Variants in LINGO2 observed in about 807,000 individuals in gnomAD.
The protein encoded by LINGO2 is leucine rich repeat and Ig domain containing 2.
LINGO2 carries 14 observed loss-of-function variants against 30.6 expected under a neutral mutation model. The ratio of observed to expected loss-of-function variants is 0.46; its 90% CI spans 0.30 to 0.72. The LOEUF (loss-of-function observed/expected upper bound fraction) is 0.72, where lower values mean the gene tolerates loss of function less well. Ranked by LOEUF, LINGO2 falls within the 30% of genes least tolerant of loss-of-function variation. LINGO2 has a pLI of 0.07. For missense variants in LINGO2, 729 were observed against 751.7 expected (o/e 0.97, Z 0.35); for synonymous variants, 317 against 288.5 (o/e 1.10, Z -1.00).
At chr9:28,164,083 G>A (rs1301821368) in intron 4 of LINGO2, among the ~76,000 whole-genome samples, 1 of 152,124 alleles carries the variant, frequency 6.6e-6, no homozygotes, top group African/African-American at 2.4e-5. Flanking sequence ...TGGCTTACAT[G>A]TAATGAAAAT....
At chr9:28,740,645 A>T in the LINGO2 span, among the ~76,000 whole-genome samples, 1 of 151,762 alleles carries the variant, frequency 6.6e-6, no homozygotes, top group Non-Finnish European at 1.5e-5. Context: ...TAAATACTTT[A>T]ATTATTTAAT....
chr9:28,444,871 T>C (rs2135038246), intron 2 of LINGO2, among the ~76,000 whole-genome samples: 1 of 152,290 alleles, frequency 6.6e-6, no homozygotes, highest in Non-Finnish European at 1.5e-5. Context: ...AGGTGTGGGA[T>C]CCAGGCTGGT....
At chr9:27,950,491 T>A in exon 6 of LINGO2, 1 of 1,598,958 alleles carries the variant, frequency 6.3e-7, no homozygotes, top group Non-Finnish European at 8.5e-7. Context: ...AGGTCCAAGA[T>A]TTTGGTTTCG....
At chr9:29,196,573 C>A in the LINGO2 span, among the ~76,000 whole-genome samples, 2 of 152,102 alleles carry the variant, frequency 1.3e-5, no homozygotes, top group African/African-American at 2.4e-5. Context: ...TATTGATAGA[C>A]AACCTTTCAC....
chr9:28,496,349 T>C (rs2135291967), intron 1 of LINGO2, among the ~76,000 whole-genome samples: 1 of 152,240 alleles, frequency 6.6e-6, no homozygotes, highest in South Asian at 2.1e-4. Context: ...TGCTCCCGTA[T>C]TGGGTGCATA....
At chr9:28,075,449 A>G (rs1012758151) in intron 4 of LINGO2, among the ~76,000 whole-genome samples, 1 of 151,926 alleles carries the variant, frequency 6.6e-6, no homozygotes, top group Non-Finnish European at 1.5e-5. Flanking sequence ...TTCCTAGATC[A>G]TATATCTAGG....
At chr9:28,770,384 C>T in the LINGO2 span, among the ~76,000 whole-genome samples, 1 of 152,308 alleles carries the variant, frequency 6.6e-6, no homozygotes, top group East Asian at 1.9e-4. Flanking sequence ...CTGCTTCTTG[C>T]TGCACAGATG....
chr9:28,562,340 C>T (rs999604244), intron 1 of LINGO2, among the ~76,000 whole-genome samples: 1 of 151,032 alleles, frequency 6.6e-6, no homozygotes, highest in African/African-American at 2.4e-5. Context: ...TTCCTGACCG[C>T]CAGTTTCACA....
At chr9:29,157,820 T>C in the LINGO2 span, among the ~76,000 whole-genome samples, 1 of 152,124 alleles carries the variant, frequency 6.6e-6, no homozygotes. Flanking sequence ...TATGCGGTAA[T>C]CTTTGACTCC....
At chr9:28,058,304 T>C (rs147857548) in intron 4 of LINGO2, among the ~76,000 whole-genome samples, 1 of 152,144 alleles carries the variant, frequency 6.6e-6, no homozygotes. Flanking sequence ...TATTTATTAA[T>C]AGGCCATTTT....
the LINGO2 span, among the ~76,000 whole-genome samples, chr9:29,107,447 GA>G: frequency 6.6e-6 from 1 of 152,140 alleles, no homozygotes. Context: ...AGTCACCTTG[GA>G]ATGCATCTCT....
chr9:28,014,255 A>G (rs1013162600), intron 4 of LINGO2, among the ~76,000 whole-genome samples: 7 of 152,188 alleles, frequency 4.6e-5, no homozygotes, highest in African/African-American at 1.4e-4. Flanking sequence ...AACACTTACC[A>G]AAGGGGAAAA....
At chr9:28,295,857 C>T (rs1320835040) in intron 3 of LINGO2, among the ~76,000 whole-genome samples, 1 of 152,126 alleles carries the variant, frequency 6.6e-6, no homozygotes, top group African/African-American at 2.4e-5. Flanking sequence ...TGAACATTCC[C>T]TGTATAAATG....
At chr9:28,320,285 C>T (rs943345907) in intron 3 of LINGO2, among the ~76,000 whole-genome samples, 4 of 152,110 alleles carry the variant, frequency 2.6e-5, no homozygotes, top group African/African-American at 9.7e-5. Context: ...ATTCATGTCT[C>T]TAAGCTCCAG....
intron 1 of LINGO2, among the ~76,000 whole-genome samples, chr9:28,648,122 A>C (rs542380426): frequency 6.6e-6 from 1 of 152,144 alleles, no homozygotes; most frequent in South Asian, 2.1e-4. Context: ...CTGTAGAATG[A>C]CAGTAACTTG....
the LINGO2 span, among the ~76,000 whole-genome samples, chr9:29,004,475 T>C: frequency 2.0e-5 from 3 of 151,938 alleles, no homozygotes; most frequent in Non-Finnish European, 4.4e-5. Context: ...TATTGACTAT[T>C]ATGTGGCACA....
At chr9:28,944,325 G>A in the LINGO2 span, among the ~76,000 whole-genome samples, 2 of 151,026 alleles carry the variant, frequency 1.3e-5, no homozygotes, top group African/African-American at 4.9e-5. Flanking sequence ...GCCAAACCTA[G>A]ATACAAAGGG....
At chr9:28,311,479 A>C (rs541890809) in intron 3 of LINGO2, among the ~76,000 whole-genome samples, 50 of 152,248 alleles carry the variant, frequency 3.3e-4, no homozygotes, top group African/African-American at 1.1e-3. Flanking sequence ...AGCTTCAACC[A>C]TAAAAGATGG....
At chr9:29,072,811 T>C in the LINGO2 span, among the ~76,000 whole-genome samples, 1 of 151,904 alleles carries the variant, frequency 6.6e-6, no homozygotes, top group African/African-American at 2.4e-5. Flanking sequence ...GCTTTTGAAA[T>C]GTCGCTGGTA....
Sources: allele counts gnomAD v4.1 joint callset (sites outside exome capture counted in the v4.1 genomes callset), GRCh38; gene constraint gnomAD v4.1.1; transcripts MANE v1.5; gene names NCBI Gene and HGNC (gene_info 2026-07-23, HGNC 2026-07-21).